The following PCLO variants were observed in gnomAD, a reference collection of about 807,000 sequenced individuals.
PCLO encodes the protein protein piccolo.
A neutral mutation model predicts 427.5 loss-of-function variants in PCLO; 82 were observed. That is an observed-to-expected ratio of 0.19 (90% CI 0.16 to 0.23). The LOEUF is 0.23. PCLO is among the 10% of genes least tolerant of loss of function. The pLI is 1.00. For missense variants in PCLO, 6,239 were observed against 6,115.9 expected (o/e 1.02, Z -0.67); for synonymous variants, 2,357 against 2,155.4 (o/e 1.09, Z -2.59).
chr7:82,825,723 CTG>C (rs944318128), intron 18 of PCLO, among the ~76,000 whole-genome samples: 5 of 146,572 alleles, frequency 3.4e-5, no homozygotes, highest in African/African-American at 1.2e-4. Context: ...ATTGTATACA[CTG>C]TATAGTATAT....
chr7:82,956,131 GT>G lies in PCLO; in HGVS notation c.4821del (p.Lys1607AsnfsTer5). The G allele has an allele frequency of 6.2e-7, 1 of 1,609,002 alleles. No individual in the cohort carries two copies. On this transcript the variant is annotated frameshift_variant, in exon 5 of 25. Coordinates refer to ENST00000333891, the MANE Select transcript of PCLO (RefSeq NM_033026.6). LOFTEE classifies it high-confidence loss of function. The part of the protein sequence containing the change: ...TKGKGKITAG[K>X]HRRLTRKSST... ...CTACTTTTTCGAGTCAGTCGTCTGT[GT>G]TTCCCTGCTGTTATTTTGCCTTTTC...
At chr7:82,774,178 T>C (rs1764416217) in intron 22 of PCLO, among the ~76,000 whole-genome samples, 1 of 152,180 alleles carries the variant, frequency 6.6e-6, no homozygotes, top group Non-Finnish European at 1.5e-5. Context: ...TCTTTTTAAC[T>C]ACCCTCTTGA....
intron 10 of PCLO, among the ~76,000 whole-genome samples, chr7:82,866,575 G>A (rs1224911040): frequency 6.6e-6 from 1 of 151,726 alleles, no homozygotes; most frequent in African/African-American, 2.4e-5. Flanking sequence ...GGAATGAGTA[G>A]AGTGTAAAAG....
chr7:82,992,487 A>G (rs1236879337), intron 3 of PCLO, among the ~76,000 whole-genome samples: 2 of 152,168 alleles, frequency 1.3e-5, no homozygotes, highest in Non-Finnish European at 2.9e-5. Context: ...CTAGACAGAC[A>G]AGCCTGGGTA....
intron 3 of PCLO, among the ~76,000 whole-genome samples, chr7:82,967,227 G>A (rs2115671924): frequency 6.7e-6 from 1 of 149,060 alleles, no homozygotes; most frequent in South Asian, 2.1e-4. Flanking sequence ...CCAGGCTGGG[G>A]TGCAATGGTG....
chr7:83,125,603 T>G (rs1159724502), intron 3 of PCLO, among the ~76,000 whole-genome samples: 1 of 152,230 alleles, frequency 6.6e-6, no homozygotes, highest in Non-Finnish European at 1.5e-5. Flanking sequence ...CCCTGCTCTC[T>G]GAAACATGTG....
chr7:82,891,675 T>C (rs1275632799), intron 9 of PCLO, among the ~76,000 whole-genome samples: 1 of 152,118 alleles, frequency 6.6e-6, no homozygotes, highest in Non-Finnish European at 1.5e-5. Context: ...TGTGGGTTTG[T>C]CATAGATAGC....
chr7:82,989,047 C>T (rs1203171394), intron 3 of PCLO, among the ~76,000 whole-genome samples: 1 of 151,864 alleles, frequency 6.6e-6, no homozygotes, highest in Non-Finnish European at 1.5e-5. Context: ...GGGTCTCGAA[C>T]TCCTGACCTC....
intron 3 of PCLO, among the ~76,000 whole-genome samples, chr7:83,066,497 C>A (rs1211185420): frequency 1.3e-5 from 2 of 152,082 alleles, no homozygotes; most frequent in East Asian, 1.9e-4. Context: ...GGGCTCAGTT[C>A]AAAAGATACT....
At chr7:82,895,068 T>C (rs949784777) in intron 9 of PCLO, among the ~76,000 whole-genome samples, 1 of 152,194 alleles carries the variant, frequency 6.6e-6, no homozygotes, top group Middle Eastern at 3.4e-3. Context: ...CCATTTTATA[T>C]ACAAATTTAT....
At chr7:83,023,125 CA>C (rs1788387114) in intron 3 of PCLO, among the ~76,000 whole-genome samples, 1 of 151,772 alleles carries the variant, frequency 6.6e-6, no homozygotes, top group African/African-American at 2.4e-5. Context: ...CAAAATTTGT[CA>C]AAAAAAGTCA....
In PCLO at chr7:82,794,459, C is replaced by CTTTTTTTTTTTTTTTTTTTTTTTTTTT. The variant is rs778108792; in HGVS notation, c.15007+7032_15007+7058dup. On this transcript the variant is annotated intron_variant, in intron 22 of 24. Transcript: ENST00000333891. ...ACATGCTAGTTCATAAATTTTTTTTCTTTTTTTTTTTTTTTTTTTTTTTTT... is the reference window on the plus strand; with the variant it reads ...ACATGCTAGTTCATAAATTTTTTTTCTTTTTTTTTTTTTTTTTTTTTTTTTTTTTTTTTTTTTTTTTTTTTTTTTTTT... Among the ~76,000 whole-genome samples the CTTTTTTTTTTTTTTTTTTTTTTTTTTT allele has an allele frequency of 5.0e-4, 28 of 56,374 alleles. 5 individuals are homozygous for CTTTTTTTTTTTTTTTTTTTTTTTTTTT. Among genetic ancestry groups the CTTTTTTTTTTTTTTTTTTTTTTTTTTT allele is most frequent in the East Asian group, 1.8e-3 (3 of 1,684 alleles). 37.0% of individuals were successfully genotyped at this position (56,374 alleles called of 152,430 possible).
chr7:82,909,522 A>C (rs1794272328), intron 7 of PCLO, among the ~76,000 whole-genome samples: 1 of 152,062 alleles, frequency 6.6e-6, no homozygotes, highest in South Asian at 2.1e-4. Flanking sequence ...GTATCCCAGA[A>C]CTTAAAGTAT....
intron 9 of PCLO, among the ~76,000 whole-genome samples, chr7:82,881,004 T>C (rs1793493303): frequency 6.6e-6 from 1 of 152,140 alleles, no homozygotes; most frequent in African/African-American, 2.4e-5. Flanking sequence ...TAGTTTTTCT[T>C]TTCCCAGCAA....
intron 22 of PCLO, among the ~76,000 whole-genome samples, chr7:82,776,373 A>G (rs1336965090): frequency 1.3e-5 from 2 of 152,176 alleles, no homozygotes; most frequent in African/African-American, 2.4e-5. Context: ...CCAGCAGATC[A>G]CTTGATGTCA....
At chr7:82,913,003 TC>T (rs2116250995) in intron 7 of PCLO, among the ~76,000 whole-genome samples, 1 of 152,178 alleles carries the variant, frequency 6.6e-6, no homozygotes, top group South Asian at 2.1e-4. Context: ...ATTGTCATTT[TC>T]TATCTATAAA....
rs746360939 is a variant in PCLO at position 83,155,139 on chromosome 7, G to A, written c.1502C>T (p.Ser501Phe). 2.0e-6 allele frequency: 3 copies of A among 1,510,760 alleles called. No individual in the cohort carries two copies. The highest frequency in any genetic ancestry group is 2.4e-5 in the South Asian group (2 of 83,368). The allele number at this position is 1,510,760 out of a possible 1,614,324, so 93.6% of individuals were successfully genotyped here. Reference protein sequence around the residue: ...PQQPGSAKPPSQQPGSTKPPP... With the variant: ...PQQPGSAKPPFQQPGSTKPPP... The stretch of plus-strand genomic sequence containing the variant: ...GGGTTTTGTTGAGCCAGGCTGTTGA[G>A]ATGGGGGCTTTGCTGAGCCAGGCTG... Residue 501 changes from serine to phenylalanine, a missense_variant, in exon 2 of 25, where the codon TCT becomes TTT. Ser to Phe is a radical substitution (Grantham distance 155). This residue lies in a region of PCLO where 4,677 missense variants were observed against 4,468.4 expected (regional missense o/e 1.05). Transcript: ENST00000333891.
chr7:83,147,693 C>T (rs1020564097), intron 2 of PCLO, among the ~76,000 whole-genome samples: 1 of 152,012 alleles, frequency 6.6e-6, no homozygotes, highest in Non-Finnish European at 1.5e-5. Context: ...ATATAATATA[C>T]TTGTTTAAGC....
intron 3 of PCLO, among the ~76,000 whole-genome samples, chr7:83,122,846 G>A (rs534526610): frequency 2.4e-4 from 37 of 152,070 alleles, no homozygotes; most frequent in Non-Finnish European, 4.1e-4. Flanking sequence ...TGCCAACAGC[G>A]AACAACCTCA....
Sources: allele counts gnomAD v4.1 joint callset (sites outside exome capture counted in the v4.1 genomes callset), GRCh38; gene constraint gnomAD v4.1.1; regional missense constraint gnomAD v4.1.1; transcripts MANE v1.5; gene names NCBI Gene and HGNC (gene_info 2026-07-23, HGNC 2026-07-21).